Variants in ADAMTS2 observed in about 807,000 individuals in gnomAD.
The protein encoded by ADAMTS2 is ADAM metallopeptidase with thrombospondin type 1 motif 2.
ADAMTS2 carries 50 observed loss-of-function variants against 123.0 expected under a neutral mutation model. The ratio of observed to expected loss-of-function variants is 0.41; its 90% CI spans 0.32 to 0.51. ADAMTS2 has a LOEUF of 0.51. Ranked by LOEUF, ADAMTS2 falls within the 20% of genes least tolerant of loss-of-function variation. The pLI, the probability that ADAMTS2 is intolerant of heterozygous loss-of-function variation, is 0.35. For missense variants in ADAMTS2, 1,494 were observed against 1,705.2 expected, an observed-to-expected ratio of 0.88 and a Z score of 2.18; for synonymous variants, 678 against 695.4, an observed-to-expected ratio of 0.98 and a Z score of 0.39.
At chr5:179,148,194 C>T (rs998029928) in intron 10 of ADAMTS2, among the ~76,000 whole-genome samples, 4 of 152,076 alleles carry the variant, frequency 2.6e-5, no homozygotes, top group East Asian at 3.9e-4. Context: ...CTGAACAGAC[C>T]GCACTCCCTT....
intron 3 of ADAMTS2, among the ~76,000 whole-genome samples, chr5:179,268,251 G>C (rs376881700): frequency 6.6e-6 from 1 of 152,246 alleles, no homozygotes. Context: ...TGGACACCAC[G>C]TGTGGCTGCA....
rs1765686872 is a variant in ADAMTS2 at position 179,242,257 on chromosome 5, C to T, written c.688+30654G>A. On this transcript the variant is annotated intron_variant, in intron 3 of 21. Coordinates refer to ENST00000251582, the MANE Select transcript of ADAMTS2 (RefSeq NM_014244.5). This position sits in a 1 kb window ranked among gnomAD's most constrained non-coding sequence, Gnocchi z 4.2. ...TGAGCCTTGGCAGCCTCGTGTGGGC[C>T]AGCGGTGCCTGCTGTCTTGCTCGCG... Among the ~76,000 whole-genome samples the T allele has an allele frequency of 6.6e-6, 1 of 152,218 alleles. No homozygotes were observed. Among genetic ancestry groups the T allele is most frequent in the Non-Finnish European group, 1.5e-5 (1 of 68,042 alleles).
intron 21 of ADAMTS2, 169 bp downstream of exon 21, chr5:179,121,492 G>A (rs1762760916): frequency 3.9e-6 from 2 of 516,348 alleles, no homozygotes; most frequent in Non-Finnish European, 3.4e-6. Flanking sequence ...AGCGCGGCCC[G>A]GAGCGGACGC....
rs1309412479 is a variant in ADAMTS2, at chr5:179,197,550, A to C, written c.891+9963T>G. Among the ~76,000 whole-genome samples, 1 of 152,148 alleles carries C rather than the reference A, an allele frequency of 6.6e-6. No individual in the cohort carries two copies. The highest frequency in any genetic ancestry group is 6.5e-5 in the Admixed American group (1 of 15,268). ...GATTGAGTCCACCATGCAGCATAGC[A>C]TGAACCTGTCTCTAAAACAAATCTT... On this transcript the variant is annotated intron_variant, in intron 4 of 21. Transcript: ENST00000251582. This position sits in a 1 kb window ranked among gnomAD's most constrained non-coding sequence, Gnocchi z 4.2.
intron 3 of ADAMTS2, among the ~76,000 whole-genome samples, chr5:179,219,999 A>G (rs1765092039): frequency 6.6e-6 from 1 of 152,158 alleles, no homozygotes; most frequent in African/African-American, 2.4e-5. Flanking sequence ...GCCCCTGCCT[A>G]GCATCTGCTT....
In ADAMTS2 at chr5:179,155,056, A is replaced by G; in HGVS notation, c.1133-137T>C. The G allele has an allele frequency of 1.3e-6, 1 of 777,888 alleles. No homozygotes were observed. Among genetic ancestry groups the G allele is most frequent in the Non-Finnish European group, 2.2e-6 (1 of 447,566 alleles). 48.2% of individuals were successfully genotyped at this position (777,888 alleles called of 1,614,324 possible). On this transcript the variant is annotated intron_variant, in intron 6 of 21. Coordinates refer to ENST00000251582, the MANE Select transcript of ADAMTS2 (RefSeq NM_014244.5). This position sits in a 1 kb window ranked among gnomAD's most constrained non-coding sequence, Gnocchi z 5.1. ...CCACAGGCAACTGCCCCCGGCTGGC[A>G]CAGCTCAGAAGACACCACAGCAGAC...
intron 18 of ADAMTS2, among the ~76,000 whole-genome samples, chr5:179,125,711 C>G (rs1762842601): frequency 6.6e-6 from 1 of 152,260 alleles, no homozygotes; most frequent in African/African-American, 2.4e-5. Flanking sequence ...AAACATCTAC[C>G]CCGTGGTACA....
intron 4 of ADAMTS2, among the ~76,000 whole-genome samples, chr5:179,207,134 G>A (rs1034084633): frequency 6.6e-6 from 1 of 152,076 alleles, no homozygotes; most frequent in African/African-American, 2.4e-5. Flanking sequence ...AGCTTTTCAG[G>A]TAAAATAAGG....
At chr5:179,195,312 G>C (rs1239651107) in intron 4 of ADAMTS2, among the ~76,000 whole-genome samples, 1 of 152,158 alleles carries the variant, frequency 6.6e-6, no homozygotes, top group Non-Finnish European at 1.5e-5. Context: ...AGCCCCGGGA[G>C]TTGGCACTGA....
intron 5 of ADAMTS2, among the ~76,000 whole-genome samples, chr5:179,169,775 C>T (rs1763779148): frequency 1.3e-5 from 2 of 152,232 alleles, no homozygotes; most frequent in African/African-American, 4.8e-5. Flanking sequence ...CACCTCTCTT[C>T]TCGTGCTTTC....
Position 179,113,961 on chromosome 5 carries a change from G to A in ADAMTS2, c.3542C>T (p.Pro1181Leu). 6.2e-7 allele frequency: 1 copy of A among 1,614,142 alleles called. No homozygotes were observed. ...EDEVQPPNLI[P>L]RRPSPYEKTR... Reference sequence around the variant, plus strand: ...CTTTTCATAGGGGCTCGGTCGTCGAGGGATTAGGTTGGGTGGCTGGACTTC... The same window carrying A: ...CTTTTCATAGGGGCTCGGTCGTCGAAGGATTAGGTTGGGTGGCTGGACTTC... The change falls in exon 22 of 22, where the codon CCT becomes CTT. Residue 1181 changes from proline to leucine, a missense_variant. This residue lies in a region of ADAMTS2 where 953 missense variants were observed against 1,124.7 expected (regional missense o/e 0.85). Coordinates refer to ENST00000251582, the MANE Select transcript of ADAMTS2 (RefSeq NM_014244.5).
At chr5:179,290,642 A>C (rs1208218029) in intron 2 of ADAMTS2, among the ~76,000 whole-genome samples, 1 of 152,232 alleles carries the variant, frequency 6.6e-6, no homozygotes, top group Non-Finnish European at 1.5e-5. Context: ...GCATAGATCT[A>C]AAGTTATTTC....
Position 179,113,853 on chromosome 5 carries a change from A to T in ADAMTS2, c.*14T>A. The T allele has an allele frequency of 6.2e-7, 1 of 1,611,972 alleles. No homozygotes were observed. ...GCAAGAAAAAAATGCTAGGGATGCT[A>T]TCTTTCCATTTTATTAGAACTTTCC... is the stretch of plus-strand genomic sequence containing the variant. On this transcript the variant is annotated 3_prime_UTR_variant, in exon 22 of 22. Transcript: ENST00000251582.
chr5:179,276,498 T>G (rs1369479529), intron 2 of ADAMTS2, among the ~76,000 whole-genome samples: 1 of 152,142 alleles, frequency 6.6e-6, no homozygotes, highest in Non-Finnish European at 1.5e-5. Context: ...AAGCGTCCAG[T>G]GACTCGTCTG....
Position 179,197,746 on chromosome 5 carries a change from C to A in ADAMTS2, c.891+9767G>T, listed in dbSNP as rs1764458402. Among the ~76,000 whole-genome samples, 1 of 152,166 alleles carries A rather than the reference C, an allele frequency of 6.6e-6. No homozygotes were observed. Among genetic ancestry groups the A allele is most frequent in the African/African-American group, 2.4e-5 (1 of 41,438 alleles). On this transcript the variant is annotated intron_variant, in intron 4 of 21. Transcript: ENST00000251582. This position sits in a 1 kb window ranked among gnomAD's most constrained non-coding sequence, Gnocchi z 4.2. ...TGCATATATAAACATATTACTTCCA[C>A]AACGGCTCTGATCTTCCAAGGCATT...
Position 179,117,921 on chromosome 5 carries a change from A to G in ADAMTS2, c.3179-3597T>C, listed in dbSNP as rs144923256. 4.8e-4 allele frequency among the ~76,000 whole-genome samples: 73 copies of G among 152,314 alleles called. No individual in the cohort carries two copies. The highest frequency in any genetic ancestry group is 1.8e-3 in the African/African-American group (73 of 41,566). ...GAGACCATGTGGGCTCCAATGCCCA[A>G]AATATTGACTACCTGGCCCTTTACA... is the stretch of plus-strand genomic sequence containing the variant. On this transcript the variant is annotated intron_variant, in intron 21 of 21. Transcript: ENST00000251582. The surrounding 1 kb of genome is among the most constrained non-coding windows in gnomAD (Gnocchi z 4.2).
intron 12 of ADAMTS2, 111 bp downstream of exon 12, chr5:179,137,658 C>T (rs898119882): frequency 7.0e-5 from 100 of 1,437,572 alleles, no homozygotes; most frequent in Middle Eastern, 2.4e-4. Flanking sequence ...TCCTGCCAGC[C>T]CAGGGTCGCG....
intron 2 of ADAMTS2, among the ~76,000 whole-genome samples, chr5:179,274,721 G>C (rs1185094124): frequency 6.6e-6 from 1 of 152,236 alleles, no homozygotes; most frequent in Non-Finnish European, 1.5e-5. Flanking sequence ...GGGCCTGCTG[G>C]GCGGCTGCCC....
chr5:179,330,087 C>T (rs1441088364), intron 2 of ADAMTS2, among the ~76,000 whole-genome samples: 1 of 145,982 alleles, frequency 6.9e-6, no homozygotes, highest in Non-Finnish European at 1.5e-5. Context: ...GATTGCGCCA[C>T]TGCAGTCCGC....
Sources: allele counts gnomAD v4.1 joint callset (sites outside exome capture counted in the v4.1 genomes callset), GRCh38; gene constraint gnomAD v4.1.1; regional missense constraint gnomAD v4.1.1; non-coding constraint Gnocchi (gnomAD v3.1); transcripts MANE v1.5; gene names NCBI Gene and HGNC (gene_info 2026-07-23, HGNC 2026-07-21).